DTD1: variants seen among roughly 807,000 people sequenced by gnomAD.
DTD1 encodes the protein D-tyrosyl-tRNA deacylase 1 homolog.
A neutral mutation model predicts 25.6 loss-of-function variants in DTD1; 13 were observed. The observed-to-expected ratio is 0.51, with a 90% CI of 0.33 to 0.81. The LOEUF (loss-of-function observed/expected upper bound fraction) is 0.81. Ranked by LOEUF, DTD1 falls within the 30% of genes least tolerant of loss-of-function variation. The pLI is 0.02. For synonymous variants in DTD1, 110 were observed against 103.6 expected, an observed-to-expected ratio of 1.06 and a Z score of -0.37; for missense variants, 193 against 266.4, an observed-to-expected ratio of 0.72 and a Z score of 1.92.
At chr20:18,599,496 G>A (rs1482920125) in intron 3 of DTD1, among the ~76,000 whole-genome samples, 1 of 152,140 alleles carries the variant, frequency 6.6e-6, no homozygotes. Flanking sequence ...TTTATAGCAG[G>A]TTTTGTATGT....
chr20:18,646,763 T>C (rs2060852058), intron 4 of DTD1, among the ~76,000 whole-genome samples: 4 of 152,186 alleles, frequency 2.6e-5, no homozygotes. Flanking sequence ...ACAGTGTTTT[T>C]CCTTAGACTT....
rs375675246 is a variant in DTD1, at chr20:18,708,306, ATT to A, written c.478-35791_478-35790del. Among the ~76,000 whole-genome samples the A allele has an allele frequency of 9.3e-3, 448 of 48,110 alleles. 21 individuals carry two copies. The highest frequency in any genetic ancestry group is 0.015 in the South Asian group (26 of 1,758). 31.6% of individuals were successfully genotyped at this position (48,110 alleles called of 152,430 possible). Reference sequence around the variant, plus strand: ...TATATTATATATATATAATATATATATTTTATATATATATTATATATATATAT... The same window carrying A: ...TATATTATATATATATAATATATATATTATATATATATTATATATATATAT... On this transcript the variant is annotated intron_variant, in intron 4 of 5. Coordinates refer to ENST00000377452, the MANE Select transcript of DTD1 (RefSeq NM_080820.6).
intron 4 of DTD1, among the ~76,000 whole-genome samples, chr20:18,707,527 G>C (rs189316129): frequency 4.6e-5 from 7 of 152,320 alleles, no homozygotes; most frequent in Non-Finnish European, 8.8e-5. Context: ...GTGCTGTGCA[G>C]TACAGCAGCA....
chr20:18,727,795 C>T (rs573089302), intron 4 of DTD1, among the ~76,000 whole-genome samples: 5 of 152,216 alleles, frequency 3.3e-5, no homozygotes, highest in South Asian at 2.1e-4. Flanking sequence ...AGAGCATCAT[C>T]GGTGTTTGTC....
intron 5 of DTD1, among the ~76,000 whole-genome samples, chr20:18,755,892 G>A (rs1335480315): frequency 1.3e-5 from 2 of 152,128 alleles, no homozygotes; most frequent in Admixed American, 6.5e-5. Flanking sequence ...CACCAACAGT[G>A]TAAAAGTGTT....
intron 4 of DTD1, among the ~76,000 whole-genome samples, chr20:18,635,895 GAA>G (rs1002717286): frequency 2.0e-5 from 3 of 152,116 alleles, no homozygotes; most frequent in Non-Finnish European, 4.4e-5. Flanking sequence ...TGCAAAAATT[GAA>G]AAGAGTTTTT....
At chr20:18,621,583 C>T (rs1216520631) in intron 3 of DTD1, among the ~76,000 whole-genome samples, 1 of 151,846 alleles carries the variant, frequency 6.6e-6, no homozygotes, top group Non-Finnish European at 1.5e-5. Context: ...AAGTTTATTC[C>T]ATATATATAT....
Position 18,756,746 on chromosome 20 carries a change from A to G in DTD1, c.*20-6614A>G, listed in dbSNP as rs866194344. 3.2e-3 allele frequency among the ~76,000 whole-genome samples: 486 copies of G among 151,726 alleles called. 1 individual carries two copies. Among genetic ancestry groups the G allele is most frequent in the African/African-American group, 7.5e-3 (310 of 41,348 alleles). On this transcript the variant is annotated intron_variant, in intron 5 of 5. Coordinates refer to ENST00000377452, the MANE Select transcript of DTD1 (RefSeq NM_080820.6). ...TCTTTTGGCTTAGGATTGACTTGGC[A>G]ATGCGGGCTCTTTTTTGGTTCCATA...
At chr20:18,686,134 A>G (rs1216372147) in intron 4 of DTD1, among the ~76,000 whole-genome samples, 3 of 152,238 alleles carry the variant, frequency 2.0e-5, no homozygotes, top group Non-Finnish European at 2.9e-5. Context: ...ACAGAAATCA[A>G]TGACATATGA....
At chr20:18,641,801 C>T (rs1051191470) in intron 4 of DTD1, among the ~76,000 whole-genome samples, 1 of 152,200 alleles carries the variant, frequency 6.6e-6, no homozygotes, top group Non-Finnish European at 1.5e-5. Flanking sequence ...TATTTTCTCT[C>T]ATCCTGTGGA....
chr20:18,615,589 G>A (rs949997670), intron 3 of DTD1, among the ~76,000 whole-genome samples: 1 of 152,198 alleles, frequency 6.6e-6, no homozygotes, highest in Non-Finnish European at 1.5e-5. Context: ...TACCAAAATG[G>A]AATAGTGGAG....
rs79499997 is a variant in DTD1 at position 18,656,824 on chromosome 20, C to T, written c.477+28591C>T. On this transcript the variant is annotated intron_variant, in intron 4 of 5. Transcript: ENST00000377452. The stretch of plus-strand genomic sequence containing the variant: ...CCTCTCCAAGTGCATCCTGGAAAAC[C>T]GGCATCAGAGCCTTTCAGTAAATGG... 2.2e-4 allele frequency among the ~76,000 whole-genome samples: 33 copies of T among 152,266 alleles called. No homozygotes were observed. In the East Asian group the frequency reaches 5.6e-3, roughly 26 times the overall value.
intron 3 of DTD1, among the ~76,000 whole-genome samples, chr20:18,620,382 C>T (rs1192220473): frequency 6.6e-6 from 1 of 152,190 alleles, no homozygotes; most frequent in Non-Finnish European, 1.5e-5. Flanking sequence ...CTCTTAATTT[C>T]ACTTCCTAAC....
intron 1 of DTD1, chr20:18,592,250 A>G (rs1409153859): frequency 6.6e-6 from 1 of 152,244 alleles, no homozygotes; most frequent in Non-Finnish European, 1.5e-5. Context: ...AAGTAGTAAA[A>G]TAACATAATC....
intron 4 of DTD1, among the ~76,000 whole-genome samples, chr20:18,700,199 A>G (rs2061098137): frequency 6.6e-6 from 1 of 152,194 alleles, no homozygotes; most frequent in Non-Finnish European, 1.5e-5. Flanking sequence ...TCTCATGACT[A>G]CTGATGCTGA....
At position 18,639,782 on chromosome 20, in the gene DTD1, A is replaced by G. The variant is rs1381977650; in HGVS notation, c.477+11549A>G. ...ATGAAAGTGAAGCCCGGAAGCCTCAATTTCTTTGTAATGGAAAGATCTGAG... is the reference window on the plus strand; with the variant it reads ...ATGAAAGTGAAGCCCGGAAGCCTCAGTTTCTTTGTAATGGAAAGATCTGAG... On this transcript the variant is annotated intron_variant, in intron 4 of 5. Coordinates refer to ENST00000377452, the MANE Select transcript of DTD1 (RefSeq NM_080820.6). 2.0e-5 allele frequency among the ~76,000 whole-genome samples: 3 copies of G among 152,174 alleles called. No homozygotes were observed. The East Asian group carries it at 5.8e-4, about 29-fold the overall frequency.
chr20:18,624,576 G>A (rs1234800423), intron 3 of DTD1, among the ~76,000 whole-genome samples: 1 of 152,154 alleles, frequency 6.6e-6, no homozygotes, highest in African/African-American at 2.4e-5. Flanking sequence ...AGCTGTGTCT[G>A]AGATGTGTCA....
chr20:18,702,233 C>A (rs989121395), intron 4 of DTD1, among the ~76,000 whole-genome samples: 3 of 152,324 alleles, frequency 2.0e-5, no homozygotes, highest in African/African-American at 7.2e-5. Context: ...GGTTTCCATT[C>A]CAACATCCCT....
intron 4 of DTD1, among the ~76,000 whole-genome samples, chr20:18,682,915 C>T (rs1376882386): frequency 2.0e-5 from 3 of 152,236 alleles, no homozygotes; most frequent in Non-Finnish European, 4.4e-5. Context: ...ATGTGGCAAG[C>T]CATGGCTACT....
Sources: allele counts gnomAD v4.1 joint callset (sites outside exome capture counted in the v4.1 genomes callset), GRCh38; gene constraint gnomAD v4.1.1; transcripts MANE v1.5; gene names NCBI Gene and HGNC (gene_info 2026-07-23, HGNC 2026-07-21).